IQSEC1: variants seen among roughly 807,000 people sequenced by gnomAD.
The protein encoded by IQSEC1 is IQ motif and Sec7 domain ArfGEF 1, also known as IQ motif and SEC7 domain-containing protein 1.
IQSEC1 carries 31 observed loss-of-function variants against 91.0 expected under a neutral mutation model. The observed-to-expected ratio is 0.34, with a 90% CI of 0.26 to 0.46. The LOEUF is 0.46. Ranked by LOEUF, IQSEC1 falls within the 20% of genes least tolerant of loss-of-function variation. IQSEC1 has a pLI of 1.00. For missense variants in IQSEC1, 1,388 were observed against 1,575.6 expected (o/e 0.88, Z 2.02); for synonymous variants, 699 against 662.6 (o/e 1.05, Z -0.84).
chr3:13,112,446 G>A (rs937022333), intron 2 of IQSEC1, among the ~76,000 whole-genome samples: 3 of 152,226 alleles, frequency 2.0e-5, no homozygotes, highest in African/African-American at 4.8e-5. Context: ...GGGAGGTGGC[G>A]CTCACTCTCA....
intron 1 of IQSEC1, among the ~76,000 whole-genome samples, chr3:12,963,796 G>C (rs569961709): frequency 2.0e-5 from 3 of 152,358 alleles, no homozygotes; most frequent in African/African-American, 7.2e-5. Flanking sequence ...CTGGTACAAA[G>C]TTGGTGCTCA....
rs1373115688 is a variant in IQSEC1, at chr3:13,099,504, C to T, written c.303-51982G>A. Among the ~76,000 whole-genome samples the T allele has an allele frequency of 2.6e-5, 4 of 152,138 alleles. 1 individual carries two copies. The highest frequency in any genetic ancestry group is 5.9e-5 in the Non-Finnish European group (4 of 68,014). ...ACTCCTCCCCCGAGCTGGGTGTCCCCGGGTGCATCTGTGGCCCTCAGAAGC... is the reference window on the plus strand; with the variant it reads ...ACTCCTCCCCCGAGCTGGGTGTCCCTGGGTGCATCTGTGGCCCTCAGAAGC... On this transcript the variant is annotated intron_variant, in intron 2 of 15. Coordinates refer to the IQSEC1 transcript ENST00000648114.
intron 1 of IQSEC1, among the ~76,000 whole-genome samples, chr3:12,989,323 T>C (rs1342108153): frequency 6.6e-6 from 1 of 152,244 alleles, no homozygotes; most frequent in Non-Finnish European, 1.5e-5. Flanking sequence ...CTGATGCTTC[T>C]ATTTGCACTT....
At chr3:13,047,831 G>C (rs1704556474) in intron 1 of IQSEC1, among the ~76,000 whole-genome samples, 1 of 152,126 alleles carries the variant, frequency 6.6e-6, no homozygotes. Context: ...GTCCTCTCTG[G>C]CTGGACCCAG....
intron 1 of IQSEC1, among the ~76,000 whole-genome samples, chr3:13,026,073 G>A (rs1009354644): frequency 5.3e-5 from 8 of 152,214 alleles, no homozygotes; most frequent in African/African-American, 1.9e-4. Flanking sequence ...CTGACGGGGT[G>A]GCCAGCAGCG....
intron 1 of IQSEC1, among the ~76,000 whole-genome samples, chr3:13,206,853 A>G (rs545812299): frequency 6.6e-6 from 1 of 152,102 alleles, no homozygotes; most frequent in African/African-American, 2.4e-5. Flanking sequence ...GATGGGAGGG[A>G]GGCATGAACC....
rs573035526 is a variant in IQSEC1 at position 13,164,682 on chromosome 3, G to T, written c.273-549C>A. 3.3e-5 allele frequency among the ~76,000 whole-genome samples: 5 copies of T among 152,276 alleles called. No homozygotes were observed. The East Asian group carries it at 9.7e-4, about 29-fold the overall frequency. ...TGTCAAGAAATTGGACAATCAGATT[G>T]TATTGCGCACTTGAACTTTCACGAA... is the stretch of plus-strand genomic sequence containing the variant. On this transcript the variant is annotated intron_variant, in intron 1 of 15. Coordinates refer to the IQSEC1 transcript ENST00000648114.
At position 12,900,566 on chromosome 3, in the gene IQSEC1, A is replaced by G. The variant is rs955058092; in HGVS notation, c.*417T>C. The G allele has an allele frequency of 3.0e-6, 3 of 999,486 alleles. No homozygotes were observed. The African/African-American group carries it at 5.2e-5, about 17-fold the overall frequency. 61.9% of individuals were successfully genotyped at this position (999,486 alleles called of 1,614,324 possible). A position where few individuals can be genotyped will look rare whatever the true frequency, so the allele number is the denominator to read the frequency against. On this transcript the variant is annotated 3_prime_UTR_variant, in exon 14 of 14. Coordinates refer to ENST00000613206, the MANE Select transcript of IQSEC1 (RefSeq NM_001134382.3). ...TGCCCATTGTCAATAAAAGAGCAAT[A>G]ATGCAGCAAGTTTTGGGGTTTGTTT...
chr3:13,139,600 G>T (rs535385009), intron 2 of IQSEC1, among the ~76,000 whole-genome samples: 2 of 152,170 alleles, frequency 1.3e-5, no homozygotes, highest in African/African-American at 2.4e-5. Context: ...GGGTGTTTGC[G>T]GTGATTCATC....
At chr3:13,242,683 T>C (rs1429600634) in intron 1 of IQSEC1, among the ~76,000 whole-genome samples, 2 of 152,132 alleles carry the variant, frequency 1.3e-5, no homozygotes, top group African/African-American at 2.4e-5. Context: ...ACTCCTAGGA[T>C]TGGTGCTCGT....
Position 12,900,610 on chromosome 3 carries a change from ATTTC to A in IQSEC1, c.*369_*372del. 1.9e-6 allele frequency: 2 copies of A among 1,058,030 alleles called. No homozygotes were observed. The highest frequency in any genetic ancestry group is 2.3e-6 in the Non-Finnish European group (2 of 875,208). The allele number at this position is 1,058,030 out of a possible 1,614,324, so 65.5% of individuals were successfully genotyped here. On this transcript the variant is annotated 3_prime_UTR_variant, in exon 14 of 14. Coordinates refer to ENST00000613206, the MANE Select transcript of IQSEC1 (RefSeq NM_001134382.3). ...TTTGTTTTGTCTGTTTTTGTATCTC[ATTTC>A]TTCGTTTTCTAGGTTGGGTTTTCAT...
intron 1 of IQSEC1, among the ~76,000 whole-genome samples, chr3:13,235,649 A>T (rs1423065810): frequency 6.6e-6 from 1 of 152,016 alleles, no homozygotes; most frequent in Non-Finnish European, 1.5e-5. Context: ...TTGCTCTGGG[A>T]CCCCAGGTGG....
chr3:13,005,780 G>A (rs1702610280), intron 1 of IQSEC1, among the ~76,000 whole-genome samples: 1 of 152,336 alleles, frequency 6.6e-6, no homozygotes, highest in Non-Finnish European at 1.5e-5. Flanking sequence ...CCCTGAAGGT[G>A]AGCCAGCCAG....
intron 1 of IQSEC1, among the ~76,000 whole-genome samples, chr3:13,185,513 T>C (rs1693915540): frequency 2.6e-5 from 4 of 152,224 alleles, no homozygotes; most frequent in Admixed American, 2.6e-4. Flanking sequence ...CCTCAGCAGA[T>C]ATTTCAGTGT....
intron 2 of IQSEC1, among the ~76,000 whole-genome samples, chr3:13,136,248 G>A (rs530389250): frequency 5.1e-4 from 78 of 152,342 alleles, no homozygotes; most frequent in African/African-American, 1.7e-3. Context: ...GCGTGTCCAC[G>A]TGGGAAATGA....
At chr3:12,905,567 G>A (rs1694883731) in intron 12 of IQSEC1, among the ~76,000 whole-genome samples, 1 of 152,288 alleles carries the variant, frequency 6.6e-6, no homozygotes, top group Admixed American at 6.5e-5. Context: ...GATGAGCTCA[G>A]GCTGTCTGAT....
intron 2 of IQSEC1, among the ~76,000 whole-genome samples, chr3:13,093,644 G>T (rs887149521): frequency 6.6e-6 from 1 of 152,168 alleles, no homozygotes; most frequent in Non-Finnish European, 1.5e-5. Context: ...GGGGTGTGTG[G>T]CAAACCCTGG....
chr3:13,076,454 C>T (rs4684904), upstream of IQSEC1, among the ~76,000 whole-genome samples: 35,271 of 152,066 alleles, frequency 0.23, 4,502 homozygotes, highest in East Asian at 0.38. Flanking sequence ...TCCTGCAGAT[C>T]GGCTCACTCC....
chr3:12,971,558 C>CATTGTGATA (rs1239799078), intron 1 of IQSEC1, among the ~76,000 whole-genome samples: 1 of 152,144 alleles, frequency 6.6e-6, no homozygotes, highest in East Asian at 1.9e-4. Context: ...TGAGACACAA[C>CATTGTGATA]ATTGTGATAG....
Sources: gnomAD v4.1 joint callset for allele counts (sites outside exome capture counted in the v4.1 genomes callset) on GRCh38, gnomAD v4.1.1 for gene constraint, MANE v1.5 for transcripts, NCBI Gene and HGNC (gene_info 2026-07-23, HGNC 2026-07-21) for gene names.